Variants in CCDC57 observed in about 807,000 individuals in gnomAD.
The protein encoded by CCDC57 is coiled-coil domain-containing protein 57.
A neutral mutation model predicts 118.9 loss-of-function variants in CCDC57; 118 were observed. The ratio of observed to expected loss-of-function variants is 0.99; its 90% CI spans 0.86 to 1.16. The LOEUF is 1.16. Ranked by LOEUF, CCDC57 falls within the 50% of genes most tolerant of loss-of-function variation. The pLI is 0.00. For missense variants in CCDC57, 1,300 were observed against 1,320.7 expected, an observed-to-expected ratio of 0.98 and a Z score of 0.24; for synonymous variants, 527 against 532.9, an observed-to-expected ratio of 0.99 and a Z score of 0.15.
intron 16 of CCDC57, among the ~76,000 whole-genome samples, chr17:82,150,155 C>CCGCACCTAGAACCAGGTG (rs2041715200): frequency 8.0e-6 from 1 of 124,898 alleles, no homozygotes; most frequent in African/African-American, 3.1e-5. Context: ...AGAACCTGAC[C>CCGCACCTAGAACCAGGTG]CACACCCAGA....
At position 82,151,715 on chromosome 17, in the gene CCDC57, A is replaced by G. The variant is rs538525793; in HGVS notation, c.2300T>C (p.Leu767Pro). 7 of 1,550,296 alleles carry G rather than the reference A, an allele frequency of 4.5e-6. No homozygotes were observed. The African/African-American group carries it at 8.2e-5, about 18-fold the overall frequency. The change falls in exon 16 of 20, where the codon CTC becomes CCC. Residue 767 changes from leucine to proline, a missense_variant. By Grantham distance (98) the Leu-to-Pro change is moderately conservative (BLOSUM62 -3). Transcript: ENST00000665763. ...CTGGGGGGCACGTGCCACTGACCGG[A>G]GGTGCAGGAAAAGCTCCCCCTGGTC...
intron 13 of CCDC57, among the ~76,000 whole-genome samples, chr17:82,171,260 T>C (rs1386443637): frequency 2.1e-5 from 3 of 141,908 alleles, no homozygotes; most frequent in African/African-American, 8.0e-5. Context: ...AGGAATTCCA[T>C]TCACACCAAA....
At chr17:82,193,877 A>AAAGACCAGCCTGG (rs1223252927) in intron 6 of CCDC57, 47 bp from the exon 6 acceptor site, 1 of 1,569,812 alleles carries the variant, frequency 6.4e-7, no homozygotes, top group Non-Finnish European at 8.6e-7. Context: ...AGATGAAAGC[A>AAAGACCAGCCTGG]AAGACCAGCC....
intron 15 of CCDC57, chr17:82,156,408 C>T (rs2042688322): frequency 6.6e-6 from 1 of 152,232 alleles, no homozygotes; most frequent in African/African-American, 2.4e-5. Flanking sequence ...TCCTGGGGCC[C>T]CTTGCTGCCC....
intron 19 of CCDC57, among the ~76,000 whole-genome samples, chr17:82,122,508 G>A (rs1282218511): frequency 1.3e-5 from 2 of 150,934 alleles, no homozygotes; most frequent in African/African-American, 4.9e-5. Context: ...TCTAGGACTC[G>A]GTCCCCAGGC....
At chr17:82,149,866 AGCACACCCAGAACCTGGC>A (rs1568268366) in intron 16 of CCDC57, among the ~76,000 whole-genome samples, 1 of 84,812 alleles carries the variant, frequency 1.2e-5, no homozygotes, top group Non-Finnish European at 2.4e-5. Context: ...CGGAACCAGG[AGCACACCCAGAACCTGGC>A]GCACACCCAG....
intron 13 of CCDC57, among the ~76,000 whole-genome samples, chr17:82,169,486 C>T (rs2044406228): frequency 6.6e-6 from 1 of 152,214 alleles, no homozygotes; most frequent in Non-Finnish European, 1.5e-5. Context: ...TGGCCCCTCC[C>T]TTTCTTTTCC....
In CCDC57 at chr17:82,132,118, CAAA is replaced by C. The variant is rs58856013; in HGVS notation, c.2577+1952_2577+1954del. Among the ~76,000 whole-genome samples the C allele has an allele frequency of 9.2e-3, 940 of 101,810 alleles. 5 individuals carry two copies. The highest frequency in any genetic ancestry group is 0.025 in the African/African-American group (682 of 27,400). The allele number at this position is 101,810 out of a possible 152,430, so 66.8% of individuals were successfully genotyped here. ...TGGGTGACAGAGCGAGACTCTGTCT[CAAA>C]AAAAAAAAAAAAAAAAAGAATAAAT... On this transcript the variant is annotated intron_variant, in intron 17 of 19. Transcript: ENST00000665763.
chr17:82,136,125 C>T (rs2039134221), intron 16 of CCDC57, among the ~76,000 whole-genome samples: 2 of 152,094 alleles, frequency 1.3e-5, no homozygotes, highest in African/African-American at 4.8e-5. Flanking sequence ...TCTAGGGAGG[C>T]ATCCAAGAGA....
chr17:82,210,501 G>A (rs554446484), intron 1 of CCDC57, among the ~76,000 whole-genome samples: 33 of 145,378 alleles, frequency 2.3e-4, no homozygotes, highest in Admixed American at 6.9e-4. Context: ...GTGAAACCCC[G>A]TCTCTACTAA....
intron 2 of CCDC57, among the ~76,000 whole-genome samples, chr17:82,204,864 G>A (rs1380202923): frequency 6.6e-6 from 1 of 152,222 alleles, no homozygotes; most frequent in Non-Finnish European, 1.5e-5. Context: ...GCTGCCACGT[G>A]CCCTCAGAGC....
chr17:82,202,883 A>C (rs2049162455), intron 2 of CCDC57, among the ~76,000 whole-genome samples: 1 of 152,242 alleles, frequency 6.6e-6, no homozygotes, highest in South Asian at 2.1e-4. Flanking sequence ...TGTCCATTTC[A>C]CAGCTGAGAA....
At chr17:82,137,727 G>C (rs1329083865) in intron 16 of CCDC57, among the ~76,000 whole-genome samples, 1 of 149,746 alleles carries the variant, frequency 6.7e-6, no homozygotes, top group South Asian at 2.1e-4. Flanking sequence ...AGGCTGGAGT[G>C]CAGTGGCGCA....
chr17:82,168,792 T>TA (rs57467852), intron 13 of CCDC57, among the ~76,000 whole-genome samples: 24,707 of 144,686 alleles, frequency 0.17, 2,400 homozygotes, highest in Non-Finnish European at 0.23. Flanking sequence ...TCAATTATCC[T>TA]AAAAAAAAAA....
Position 82,186,586 on chromosome 17 carries a change from CCTTAA to C in CCDC57, c.1052+1628_1052+1632del, listed in dbSNP as rs769792616. Among the ~76,000 whole-genome samples, 32 of 152,104 alleles carry C rather than the reference CCTTAA, an allele frequency of 2.1e-4. 1 individual carries two copies. Among genetic ancestry groups the C allele is most frequent in the Non-Finnish European group, 4.0e-4 (27 of 68,026 alleles). ...TCTAGAGAAACTATCCTGAATAAGC[CCTTAA>C]CTTCCTGGTACTGTGTAGTTCTAAG... is the stretch of plus-strand genomic sequence containing the variant. On this transcript the variant is annotated intron_variant, in intron 8 of 19. Transcript: ENST00000665763.
At chr17:82,113,315 C>A in intron 19 of CCDC57, 1 of 680,788 alleles carries the variant, frequency 1.5e-6, no homozygotes, top group Non-Finnish European at 2.7e-6. Context: ...GCTTCAGTGA[C>A]AAGGTGCTGT....
At chr17:82,184,971 T>A (rs528158916) in intron 8 of CCDC57, 1 of 152,424 alleles carries the variant, frequency 6.6e-6, no homozygotes, top group South Asian at 2.1e-4. Flanking sequence ...CGGCCTCTGG[T>A]GCTCTGGGAA....
At chr17:82,201,540 G>A in exon 3 of CCDC57, 2 of 1,599,946 alleles carry the variant, frequency 1.3e-6, no homozygotes, top group Non-Finnish European at 1.7e-6. Context: ...TGGCTCACCT[G>A]TGGACGCGCT....
At chr17:82,134,534 C>A (rs2038884614) in intron 16 of CCDC57, among the ~76,000 whole-genome samples, 1 of 152,216 alleles carries the variant, frequency 6.6e-6, no homozygotes, top group South Asian at 2.1e-4. Context: ...AGGCTCACGT[C>A]TGTAATCCCA....
Sources: gnomAD v4.1 joint callset for allele counts (sites outside exome capture counted in the v4.1 genomes callset) on GRCh38, gnomAD v4.1.1 for gene constraint, MANE v1.5 for transcripts, NCBI Gene and HGNC (gene_info 2026-07-23, HGNC 2026-07-21) for gene names.